SPAG16: variants seen among roughly 807,000 people sequenced by gnomAD.
SPAG16 encodes sperm associated antigen 16, also known as sperm-associated antigen 16 protein.
In SPAG16, 86 loss-of-function variants were observed where a neutral mutation model predicts 80.4. The observed-to-expected ratio is 1.07, with a 90% CI of 0.90 to 1.28. The LOEUF is 1.28. Ranked by LOEUF, SPAG16 falls within the 50% of genes most tolerant of loss-of-function variation. SPAG16 has a pLI of 0.00. For missense variants in SPAG16, 870 were observed against 765.3 expected, an observed-to-expected ratio of 1.14 and a Z score of -1.61; for synonymous variants, 294 against 265.9, an observed-to-expected ratio of 1.11 and a Z score of -1.03.
At chr2:214,012,832 C>G (rs1354866088) in intron 12 of SPAG16, among the ~76,000 whole-genome samples, 1 of 152,162 alleles carries the variant, frequency 6.6e-6, no homozygotes, top group Non-Finnish European at 1.5e-5. Flanking sequence ...TTATCCCTTT[C>G]TTCTGGGTCA....
chr2:213,765,167 G>A (rs968204633), intron 10 of SPAG16, among the ~76,000 whole-genome samples: 3 of 152,188 alleles, frequency 2.0e-5, no homozygotes, highest in African/African-American at 4.8e-5. Context: ...TCAGGAGACC[G>A]AGACCATCCT....
chr2:214,209,484 T>C (rs1333771751), intron 15 of SPAG16, among the ~76,000 whole-genome samples: 1 of 152,164 alleles, frequency 6.6e-6, no homozygotes, highest in Non-Finnish European at 1.5e-5. Context: ...CAAAAGCATA[T>C]CCACTCACAC....
At chr2:213,977,937 A>ATGGCT (rs2045503994) in intron 12 of SPAG16, among the ~76,000 whole-genome samples, 1 of 151,956 alleles carries the variant, frequency 6.6e-6, no homozygotes, top group East Asian at 1.9e-4. Context: ...TTCCACTGAG[A>ATGGCT]TGGCTGAGAT....
At chr2:214,364,056 TC>T (rs1421321927) in intron 15 of SPAG16, among the ~76,000 whole-genome samples, 2 of 152,146 alleles carry the variant, frequency 1.3e-5, no homozygotes, top group African/African-American at 4.8e-5. Context: ...GGGTTCACCA[TC>T]CCTTCTAATC....
chr2:213,865,646 T>C (rs1290155493), intron 11 of SPAG16, among the ~76,000 whole-genome samples: 1 of 149,110 alleles, frequency 6.7e-6, no homozygotes, highest in Non-Finnish European at 1.5e-5. Flanking sequence ...ATGTATGTTA[T>C]ATACCTATGA....
At chr2:213,561,995 C>T (rs1047662994) in intron 10 of SPAG16, among the ~76,000 whole-genome samples, 2 of 152,106 alleles carry the variant, frequency 1.3e-5, no homozygotes, top group South Asian at 2.1e-4. Flanking sequence ...TTTGCTCTAG[C>T]GAAAGTGTCT....
At chr2:213,608,601 C>G (rs1226328659) in intron 10 of SPAG16, among the ~76,000 whole-genome samples, 1 of 152,176 alleles carries the variant, frequency 6.6e-6, no homozygotes, top group Non-Finnish European at 1.5e-5. Flanking sequence ...GGTTCCAAGT[C>G]TTTGCTATTG....
intron 10 of SPAG16, among the ~76,000 whole-genome samples, chr2:213,682,240 G>A (rs554453165): frequency 6.6e-6 from 1 of 152,270 alleles, no homozygotes; most frequent in African/African-American, 2.4e-5. Context: ...GGAATTGCAG[G>A]TTAGGATGAG....
At chr2:213,483,448 A>G (rs758128922) in intron 9 of SPAG16, among the ~76,000 whole-genome samples, 43 of 152,238 alleles carry the variant, frequency 2.8e-4, no homozygotes, top group Non-Finnish European at 1.5e-5. Context: ...CATGGTATAT[A>G]TATTGAACCT....
In SPAG16 at chr2:213,710,422, C is replaced by T. The variant is rs117997441; in HGVS notation, c.1071-152063C>T. On this transcript the variant is annotated intron_variant, in intron 10 of 15. Transcript: ENST00000331683. ...ACTAAGCGTAAGGTATCTTAAGTCT[C>T]TGGAACAAGGGTATAAGCATGTATC... Among the ~76,000 whole-genome samples, 24 of 152,154 alleles carry T rather than the reference C, an allele frequency of 1.6e-4. No homozygotes were observed. In the East Asian group the frequency reaches 4.6e-3, roughly 29 times the overall value.
chr2:214,393,182 C>G (rs1197118079), intron 15 of SPAG16, among the ~76,000 whole-genome samples: 1 of 152,122 alleles, frequency 6.6e-6, no homozygotes, highest in Non-Finnish European at 1.5e-5. Flanking sequence ...AATCTCTTTT[C>G]TTGAAATTAG....
At chr2:213,933,628 A>G (rs2078864344) in intron 12 of SPAG16, among the ~76,000 whole-genome samples, 1 of 152,232 alleles carries the variant, frequency 6.6e-6, no homozygotes, top group Non-Finnish European at 1.5e-5. Flanking sequence ...TGTTACACAG[A>G]CAAGAATTGG....
At chr2:213,983,746 T>C (rs759677262) in intron 12 of SPAG16, among the ~76,000 whole-genome samples, 23 of 152,044 alleles carry the variant, frequency 1.5e-4, no homozygotes, top group Non-Finnish European at 2.9e-4. Flanking sequence ...TTCAACATTA[T>C]GTATTGTGTA....
At chr2:213,459,276 T>C (rs888304532) in intron 9 of SPAG16, among the ~76,000 whole-genome samples, 3 of 152,058 alleles carry the variant, frequency 2.0e-5, no homozygotes, top group Admixed American at 6.6e-5. Context: ...ATATGCCTAT[T>C]GTTGTTGTTG....
rs564989261 is a variant in SPAG16, at chr2:214,010,556, T to C, written c.1401-3395T>C. On this transcript the variant is annotated intron_variant, in intron 12 of 15. Transcript: ENST00000331683. ...AACAGCAAACGAACCCCAAAGAAGG[T>C]TGGATGGGAGATTGGAGAGACTAGA... 6.1e-5 allele frequency among the ~76,000 whole-genome samples: 9 copies of C among 146,450 alleles called. 2 individuals carry two copies. Among genetic ancestry groups the C allele is most frequent in the African/African-American group, 2.4e-4 (9 of 37,452 alleles).
At chr2:214,126,473 C>A (rs904475072) in intron 14 of SPAG16, among the ~76,000 whole-genome samples, 1 of 151,598 alleles carries the variant, frequency 6.6e-6, no homozygotes, top group Non-Finnish European at 1.5e-5. Context: ...TGGTCATCAA[C>A]ATGAATCTTG....
intron 11 of SPAG16, among the ~76,000 whole-genome samples, chr2:213,902,619 T>C (rs538098249): frequency 6.6e-6 from 1 of 152,204 alleles, no homozygotes; most frequent in East Asian, 1.9e-4. Context: ...CAAGATGAGA[T>C]TTGGGTGGGG....
At chr2:213,794,818 G>A (rs1285595518) in intron 10 of SPAG16, among the ~76,000 whole-genome samples, 1 of 152,032 alleles carries the variant, frequency 6.6e-6, no homozygotes, top group Non-Finnish European at 1.5e-5. Flanking sequence ...ATCTAAGATG[G>A]CAGTTGATAA....
chr2:214,342,806 G>A (rs1292375883), intron 15 of SPAG16, among the ~76,000 whole-genome samples: 1 of 151,996 alleles, frequency 6.6e-6, no homozygotes, highest in Non-Finnish European at 1.5e-5. Flanking sequence ...CAATCTATTT[G>A]GCCTATTATT....
Sources: gnomAD v4.1 joint callset for allele counts (sites outside exome capture counted in the v4.1 genomes callset) on GRCh38, gnomAD v4.1.1 for gene constraint, MANE v1.5 for transcripts, NCBI Gene and HGNC (gene_info 2026-07-23, HGNC 2026-07-21) for gene names.